Variants in GBF1 observed in about 807,000 individuals in gnomAD.
GBF1 encodes Golgi-specific brefeldin A-resistance guanine nucleotide exchange factor 1.
GBF1 carries 114 observed loss-of-function variants against 210.5 expected under a neutral mutation model. The ratio of observed to expected loss-of-function variants is 0.54; its 90% CI spans 0.47 to 0.63. The LOEUF is 0.63. Ranked by LOEUF, GBF1 falls within the 30% of genes least tolerant of loss-of-function variation. The pLI, the probability that GBF1 is intolerant of heterozygous loss-of-function variation, is 0.00. For synonymous variants in GBF1, 850 were observed against 889.2 expected (o/e 0.96, Z 0.78); for missense variants, 1,851 against 2,357.7 (o/e 0.79, Z 4.45).
intron 3 of GBF1, among the ~76,000 whole-genome samples, chr10:102,308,731 A>T (rs1422751342): frequency 2.5e-4 from 21 of 84,262 alleles, no homozygotes; most frequent in Admixed American, 3.8e-4. Context: ...GTTGTGGGGT[A>T]GGGGGAGGGG....
chr10:102,271,423 A>G (rs575449130), intron 3 of GBF1, among the ~76,000 whole-genome samples: 11 of 151,770 alleles, frequency 7.2e-5, no homozygotes, highest in African/African-American at 2.4e-4. Flanking sequence ...GCCTCAAGCA[A>G]TCCTCCCACC....
At chr10:102,370,013 A>C (rs1193043419) in intron 26 of GBF1, 29 bp downstream of exon 26, 1 of 1,612,644 alleles carries the variant, frequency 6.2e-7, no homozygotes, top group Non-Finnish European at 8.5e-7. Context: ...CTGGTGAGAA[A>C]GCCTAAACAC....
At chr10:102,362,045 C>CTTTTCT (rs1565160691) in intron 14 of GBF1, 133 bp downstream of exon 14, 7 of 259,246 alleles carry the variant, frequency 2.7e-5, no homozygotes, top group Non-Finnish European at 2.7e-5. Flanking sequence ...ATTTTCTTTT[C>CTTTTCT]TTTTCTTTTT....
At chr10:102,347,990 G>T (rs537221826) in intron 4 of GBF1, among the ~76,000 whole-genome samples, 1 of 152,150 alleles carries the variant, frequency 6.6e-6, no homozygotes, top group African/African-American at 2.4e-5. Flanking sequence ...AGGTTGGAGT[G>T]CACTGGTGTG....
intron 3 of GBF1, among the ~76,000 whole-genome samples, chr10:102,324,035 T>G (rs1031976262): frequency 1.2e-4 from 18 of 152,174 alleles, no homozygotes; most frequent in Admixed American, 1.0e-3. Context: ...TCTCTTATAC[T>G]GGTGCAAGTG....
intron 12 of GBF1, 75 bp downstream of exon 12, chr10:102,360,470 C>T (rs952850073): frequency 1.5e-5 from 15 of 992,040 alleles, no homozygotes; most frequent in African/African-American, 3.2e-5. Context: ...TGGCTGATTA[C>T]GCAAAGAGTA....
chr10:102,325,943 C>T (rs2056860425), intron 3 of GBF1, among the ~76,000 whole-genome samples: 2 of 152,154 alleles, frequency 1.3e-5, no homozygotes, highest in Non-Finnish European at 2.9e-5. Context: ...AGCCACTGCG[C>T]CCAGCCTACA....
chr10:102,231,108 G>C, the GBF1 span: 22 of 1,535,898 alleles, frequency 1.4e-5, no homozygotes, highest in Non-Finnish European at 1.5e-5. Context: ...ACACCTGCGG[G>C]CACGGGAGAA....
chr10:102,380,016 G>A (rs2060743851), intron 36 of GBF1, 62 bp downstream of exon 36: 3 of 1,174,458 alleles, frequency 2.6e-6, no homozygotes, highest in Non-Finnish European at 3.8e-6. Context: ...GAGGAGGGAA[G>A]CCAGGGCTTC....
intron 8 of GBF1, 109 bp downstream of exon 8, chr10:102,353,763 C>A: frequency 1.3e-6 from 1 of 753,498 alleles, no homozygotes; most frequent in Non-Finnish European, 2.3e-6. Context: ...CTAAACAGGT[C>A]TGCTTGGAAT....
intron 3 of GBF1, among the ~76,000 whole-genome samples, chr10:102,271,918 A>AT (rs1206345438): frequency 6.6e-6 from 1 of 150,930 alleles, no homozygotes; most frequent in African/African-American, 2.4e-5. Flanking sequence ...TGCCCAGCCA[A>AT]TTTTTTGTAT....
At chr10:102,318,069 T>C (rs1016583821) in intron 3 of GBF1, among the ~76,000 whole-genome samples, 1 of 150,566 alleles carries the variant, frequency 6.6e-6, no homozygotes, top group Non-Finnish European at 1.5e-5. Flanking sequence ...CCACCACGCC[T>C]GGCTAATTTT....
intron 2 of GBF1, among the ~76,000 whole-genome samples, chr10:102,259,671 G>T (rs2072936226): frequency 6.6e-6 from 1 of 152,124 alleles, no homozygotes; most frequent in African/African-American, 2.4e-5. Context: ...TCATAAAAAT[G>T]TATTGATTTA....
At position 102,312,652 on chromosome 10, in the gene GBF1, A is replaced by G. The variant is rs115743601; in HGVS notation, c.164-31399A>G. Among the ~76,000 whole-genome samples the G allele has an allele frequency of 4.0e-3, 611 of 152,328 alleles. 5 individuals carry two copies. Among genetic ancestry groups the G allele is most frequent in the African/African-American group, 0.014 (589 of 41,584 alleles). ...AAAAGATCTTAGTTGGAGTAAGCCT[A>G]TACTTTTGGTGTTCCCAGACTATGA... On this transcript the variant is annotated intron_variant, in intron 3 of 39. Transcript: ENST00000369983.
intron 3 of GBF1, among the ~76,000 whole-genome samples, chr10:102,331,799 G>A (rs1033792772): frequency 6.0e-5 from 9 of 150,174 alleles, no homozygotes; most frequent in African/African-American, 1.2e-4. Flanking sequence ...CACCCCACAC[G>A]TCAGCCTCCC....
At chr10:102,334,992 G>T (rs2134390213) in intron 3 of GBF1, among the ~76,000 whole-genome samples, 1 of 152,110 alleles carries the variant, frequency 6.6e-6, no homozygotes, top group African/African-American at 2.4e-5. Flanking sequence ...TCATAATATG[G>T]GGAGTGAAGC....
intron 33 of GBF1, 37 bp downstream of exon 33, chr10:102,377,177 C>T (rs1318871958): frequency 6.5e-6 from 10 of 1,529,608 alleles, no homozygotes; most frequent in Non-Finnish European, 9.0e-6. Context: ...TCCTCCCCTG[C>T]ACCTGATACT....
chr10:102,293,782 T>TGTTTG lies in GBF1; in HGVS notation c.163+33666_163+33667insGTTTG, dbSNP rs2076671550. Reference sequence around the variant, plus strand: ...GTAGTATGTTTTGTGTTTTTTTTTTTTTTTTTTTTTTTTGAGATGGAGTCT... The same window carrying TGTTTG: ...GTAGTATGTTTTGTGTTTTTTTTTTTGTTTGTTTTTTTTTTTTTGAGATGGAGTCT... On this transcript the variant is annotated intron_variant, in intron 3 of 39. Coordinates refer to ENST00000369983, the MANE Select transcript of GBF1 (RefSeq NM_001377137.1). Among the ~76,000 whole-genome samples the TGTTTG allele has an allele frequency of 2.9e-5, 3 of 103,374 alleles. No homozygotes were observed. The East Asian group carries it at 7.6e-4, about 26-fold the overall frequency. The allele number at this position is 103,374 out of a possible 152,430, so 67.8% of individuals were successfully genotyped here.
intron 3 of GBF1, among the ~76,000 whole-genome samples, chr10:102,327,345 G>T (rs891487433): frequency 6.6e-6 from 1 of 152,184 alleles, no homozygotes; most frequent in African/African-American, 2.4e-5. Context: ...CAACATTGAA[G>T]AACTGTTTCT....
Sources: allele counts gnomAD v4.1 joint callset (sites outside exome capture counted in the v4.1 genomes callset), GRCh38; gene constraint gnomAD v4.1.1; transcripts MANE v1.5; gene names NCBI Gene and HGNC (gene_info 2026-07-23, HGNC 2026-07-21).